PGD: variants seen among roughly 807,000 people sequenced by gnomAD.
PGD encodes 6-phosphogluconate dehydrogenase, decarboxylating.
In PGD, 21 loss-of-function variants were observed where a neutral mutation model predicts 60.4. The observed-to-expected ratio is 0.35, with a 90% confidence interval of 0.25 to 0.50. The LOEUF is 0.50. Among genes scored for constraint, PGD ranks in the 20% least tolerant of loss-of-function variants. The pLI, the probability that PGD is intolerant of heterozygous loss-of-function variation, is 0.98. For missense variants in PGD, 477 were observed against 613.1 expected (o/e 0.78, Z 2.34); for synonymous variants, 230 against 235.9 (o/e 0.97, Z 0.23).
chr1:10,403,009 G>A, intron 3 of PGD, 62 bp from the exon 4 acceptor site: 1 of 1,054,738 alleles, frequency 9.5e-7, no homozygotes, highest in Non-Finnish European at 1.5e-6. Context: ...ATTCTTGTTT[G>A]TTTTAATTTG....
chr1:10,399,762 G>C, intron 2 of PGD, 58 bp downstream of exon 2: 1 of 1,456,110 alleles, frequency 6.9e-7, no homozygotes, highest in Non-Finnish European at 9.6e-7. Context: ...AGCCGAGGCC[G>C]GCGATAGGTT....
At chr1:10,406,183 G>A (rs1371555626) in intron 5 of PGD, among the ~76,000 whole-genome samples, 2 of 152,058 alleles carry the variant, frequency 1.3e-5, no homozygotes, top group African/African-American at 4.8e-5. Context: ...CCTTTCTGGT[G>A]AATGAGTCTG....
intron 10 of PGD, among the ~76,000 whole-genome samples, chr1:10,418,246 G>T (rs1317077953): frequency 6.6e-6 from 1 of 152,062 alleles, no homozygotes; most frequent in African/African-American, 2.4e-5. Context: ...TCTAATATTA[G>T]TTCTCTTTAG....
intron 6 of PGD, among the ~76,000 whole-genome samples, chr1:10,410,501 A>G (rs1306608337): frequency 6.6e-6 from 1 of 151,516 alleles, no homozygotes; most frequent in Non-Finnish European, 1.5e-5. Context: ...TATACAACTG[A>G]CGGTCCAGGT....
At chr1:10,407,104 G>A (rs1024067975) in intron 5 of PGD, among the ~76,000 whole-genome samples, 4 of 152,086 alleles carry the variant, frequency 2.6e-5, no homozygotes, top group African/African-American at 9.7e-5. Flanking sequence ...TTGATCCGAG[G>A]AGTTCAAGAC....
chr1:10,417,533 C>T, intron 10 of PGD, 24 bp downstream of exon 10: 1 of 1,594,000 alleles, frequency 6.3e-7, no homozygotes, highest in Non-Finnish European at 8.5e-7. Context: ...AGCCCAGGGT[C>T]CGACGGGAAG....
At chr1:10,419,031 CAG>C (rs1212762872) in intron 11 of PGD, 106 bp downstream of exon 11, 9 of 694,828 alleles carry the variant, frequency 1.3e-5, no homozygotes, top group African/African-American at 3.7e-5. Flanking sequence ...TTTTTTGAGA[CAG>C]AGTCTCGCTC....
At chr1:10,400,630 C>T in intron 3 of PGD, 58 bp downstream of exon 3, 2 of 1,344,704 alleles carry the variant, frequency 1.5e-6, no homozygotes, top group Admixed American at 2.3e-5. Context: ...TGGTTTCTTC[C>T]TTTAGTTCTC....
chr1:10,399,528 C>G, intron 1 of PGD, 101 bp from the exon 2 acceptor site: 1 of 1,065,666 alleles, frequency 9.4e-7, no homozygotes, highest in Admixed American at 1.8e-5. Context: ...GAGGAAAGTG[C>G]AGACTCCCAG....
chr1:10,405,917 G>A (rs1055503129), intron 5 of PGD, among the ~76,000 whole-genome samples: 2 of 152,086 alleles, frequency 1.3e-5, no homozygotes, highest in African/African-American at 4.8e-5. Flanking sequence ...GCAGTGGCGC[G>A]ATCTCTGCTC....
chr1:10,404,382 G>C (rs2102387640), intron 5 of PGD, 103 bp downstream of exon 5: 1 of 597,008 alleles, frequency 1.7e-6, no homozygotes, highest in East Asian at 3.1e-5. Flanking sequence ...GTGGTGCCCT[G>C]AGTGTGACAG....
intron 8 of PGD, among the ~76,000 whole-genome samples, chr1:10,415,048 A>C (rs1411142364): frequency 6.6e-6 from 1 of 151,494 alleles, no homozygotes; most frequent in Non-Finnish European, 1.5e-5. Flanking sequence ...CTGAGATCGC[A>C]CCACTGCACT....
chr1:10,415,473 C>G (rs1372462064), intron 8 of PGD: 2 of 152,242 alleles, frequency 1.3e-5, no homozygotes, highest in African/African-American at 2.4e-5. Context: ...GGCCCACCCC[C>G]TGCTGGGAGC....
chr1:10,418,948 C>T, intron 11 of PGD, 23 bp downstream of exon 11: 1 of 1,268,078 alleles, frequency 7.9e-7, no homozygotes, highest in Non-Finnish European at 1.2e-6. Context: ...GGGCTGGTGC[C>T]ATGGTTACTC....
At chr1:10,411,713 T>C (rs908642537) in intron 7 of PGD, among the ~76,000 whole-genome samples, 161 bp downstream of exon 7, 1 of 152,200 alleles carries the variant, frequency 6.6e-6, no homozygotes, top group African/African-American at 2.4e-5. Flanking sequence ...CTATACACTA[T>C]GCTAGTCAGT....
Position 10,420,372 on chromosome 1 carries a change from C to T in PGD, c.*623C>T, listed in dbSNP as rs1386577931. On this transcript the variant is annotated 3_prime_UTR_variant, in exon 13 of 13. Coordinates refer to ENST00000270776, the MANE Select transcript of PGD (RefSeq NM_002631.4). ...ATGGGTACATGGACGTTCACTGTAA[C>T]GTGCTTTTTCTTTCGTCTTTTTTTT... is the stretch of plus-strand genomic sequence containing the variant. Among the ~76,000 whole-genome samples, 4 of 140,558 alleles carry T rather than the reference C, an allele frequency of 2.8e-5. No homozygotes were observed. The highest frequency in any genetic ancestry group is 4.3e-4 in the East Asian group (2 of 4,612). The allele number at this position is 140,558 out of a possible 152,430, so 92.2% of individuals were successfully genotyped here. A position where few individuals can be genotyped will look rare whatever the true frequency, so the allele number is the denominator to read the frequency against.
At chr1:10,416,356 T>G (rs189905809) in intron 8 of PGD, among the ~76,000 whole-genome samples, 197 of 152,366 alleles carry the variant, frequency 1.3e-3, no homozygotes, top group African/African-American at 4.4e-3. Context: ...ATTGGAAGAT[T>G]GTCTTAAGAG....
chr1:10,416,931 C>G, intron 8 of PGD, 56 bp from the exon 9 acceptor site: 7 of 1,583,160 alleles, frequency 4.4e-6, no homozygotes, highest in Middle Eastern at 2.1e-4. Context: ...GATAGTTTAG[C>G]TTGGGCTCAG....
intron 6 of PGD, among the ~76,000 whole-genome samples, chr1:10,410,832 T>A (rs1174964863): frequency 6.6e-6 from 1 of 151,602 alleles, no homozygotes; most frequent in Non-Finnish European, 1.5e-5. Context: ...TAAATAAAGA[T>A]CTGGTCTTTA....
Sources: gnomAD v4.1 joint callset for allele counts (sites outside exome capture counted in the v4.1 genomes callset) on GRCh38, gnomAD v4.1.1 for gene constraint, MANE v1.5 for transcripts, NCBI Gene and HGNC (gene_info 2026-07-23, HGNC 2026-07-21) for gene names.